The following GLRA3 variants were observed in gnomAD, a reference collection of about 807,000 sequenced individuals.
The protein encoded by GLRA3 is glycine receptor alpha 3.
A neutral mutation model predicts 60.4 loss-of-function variants in GLRA3; 44 were observed. The ratio of observed to expected loss-of-function variants is 0.73; its 90% CI spans 0.57 to 0.94. The LOEUF is 0.94. Ranked by LOEUF, GLRA3 falls within the 40% of genes least tolerant of loss-of-function variation. The probability of loss-of-function intolerance (pLI) is 0.00; values close to 1 mark genes in which losing one functional copy is unlikely to be tolerated. For missense variants in GLRA3, 508 were observed against 564.6 expected, an observed-to-expected ratio of 0.90 and a Z score of 1.02; for synonymous variants, 223 against 192.9, an observed-to-expected ratio of 1.16 and a Z score of -1.29.
chr4:174,818,775 C>T (rs576568470), intron 1 of GLRA3, among the ~76,000 whole-genome samples: 67 of 152,024 alleles, frequency 4.4e-4, no homozygotes, highest in Non-Finnish European at 8.7e-4. Context: ...ACTCAGAGGT[C>T]CATTTATTTG....
At chr4:174,767,755 C>T (rs1332352934) in intron 2 of GLRA3, among the ~76,000 whole-genome samples, 1 of 152,108 alleles carries the variant, frequency 6.6e-6, no homozygotes, top group Non-Finnish European at 1.5e-5. Context: ...TCACTTCCTG[C>T]TTGCACAGAG....
chr4:174,708,194 G>C (rs1022017159), intron 5 of GLRA3, among the ~76,000 whole-genome samples: 1 of 152,106 alleles, frequency 6.6e-6, no homozygotes, highest in Non-Finnish European at 1.5e-5. Context: ...TTGGATAAGA[G>C]TAGAGACTAT....
Position 174,815,769 on chromosome 4 carries a change from A to G in GLRA3, c.71+12972T>C, listed in dbSNP as rs112547013. Among the ~76,000 whole-genome samples the G allele has an allele frequency of 1.5e-4, 23 of 152,258 alleles. No homozygotes were observed. The East Asian group carries it at 2.5e-3, about 17-fold the overall frequency. ...AAAAGGGATCCTGGGCTGAACCACAAAAACATTGTTTCCTCCTAAACCTCC... is the reference window on the plus strand; with the variant it reads ...AAAAGGGATCCTGGGCTGAACCACAGAAACATTGTTTCCTCCTAAACCTCC... On this transcript the variant is annotated intron_variant, in intron 1 of 9. Transcript: ENST00000274093.
At chr4:174,729,299 T>C (rs1736462302) in intron 3 of GLRA3, among the ~76,000 whole-genome samples, 1 of 152,376 alleles carries the variant, frequency 6.6e-6, no homozygotes, top group East Asian at 1.9e-4. Flanking sequence ...ATATATTTAG[T>C]GAACTTTTCT....
chr4:174,731,969 G>A (rs1430524933), intron 3 of GLRA3, among the ~76,000 whole-genome samples: 1 of 152,140 alleles, frequency 6.6e-6, no homozygotes, highest in African/African-American at 2.4e-5. Flanking sequence ...ATATTTACTG[G>A]GCTGTTAAAA....
At chr4:174,754,951 A>C (rs1737633192) in intron 3 of GLRA3, among the ~76,000 whole-genome samples, 1 of 152,134 alleles carries the variant, frequency 6.6e-6, no homozygotes, top group Admixed American at 6.5e-5. Flanking sequence ...TGCTTTTAGA[A>C]GAAAGATTAT....
At chr4:174,703,689 T>C (rs1462023012) in intron 5 of GLRA3, among the ~76,000 whole-genome samples, 1 of 152,224 alleles carries the variant, frequency 6.6e-6, no homozygotes, top group Admixed American at 6.5e-5. Context: ...TTGAGATGAC[T>C]TTTGCTGTCA....
intron 3 of GLRA3, among the ~76,000 whole-genome samples, chr4:174,742,673 A>T (rs1165564890): frequency 6.6e-6 from 1 of 152,196 alleles, no homozygotes; most frequent in Non-Finnish European, 1.5e-5. Flanking sequence ...TTAGAAAATT[A>T]CAAAGCCCTT....
rs1414981033 is a variant in GLRA3 at position 174,639,329 on chromosome 4, G to C, written c.*4457C>G. The stretch of plus-strand genomic sequence containing the variant: ...TTGTCTAGAAAAATTGACTGTCTTT[G>C]TATTTTTAATCTAAAGGAATTCATC... On this transcript the variant is annotated 3_prime_UTR_variant, in exon 10 of 10. Transcript: ENST00000274093. 1.3e-5 allele frequency: 2 copies of C among 150,644 alleles called. No homozygotes were observed. The highest frequency in any genetic ancestry group is 3.9e-4 in the East Asian group (2 of 5,126). 9.3% of individuals were successfully genotyped at this position (150,644 alleles called of 1,614,324 possible).
intron 1 of GLRA3, among the ~76,000 whole-genome samples, chr4:174,790,787 T>G (rs1198909862): frequency 1.5e-5 from 2 of 135,608 alleles, no homozygotes; most frequent in African/African-American, 5.6e-5. Flanking sequence ...GAGACCATTC[T>G]GGCTAACATG....
At chr4:174,657,070 T>C (rs1440373775) in intron 8 of GLRA3, among the ~76,000 whole-genome samples, 2 of 152,180 alleles carry the variant, frequency 1.3e-5, no homozygotes, top group Non-Finnish European at 2.9e-5. Flanking sequence ...TGTTTTTGCA[T>C]TTCTGCATTT....
At chr4:174,651,795 C>A (rs1733028837) in intron 9 of GLRA3, among the ~76,000 whole-genome samples, 1 of 152,088 alleles carries the variant, frequency 6.6e-6, no homozygotes, top group South Asian at 2.1e-4. Context: ...ATTTATGGAA[C>A]CAAAGAGTCT....
chr4:174,799,330 A>T (rs1302155555), intron 1 of GLRA3, among the ~76,000 whole-genome samples: 2 of 152,220 alleles, frequency 1.3e-5, no homozygotes, highest in Non-Finnish European at 2.9e-5. Flanking sequence ...CAACTAGAAA[A>T]GGTTCTTTAA....
intron 5 of GLRA3, among the ~76,000 whole-genome samples, chr4:174,697,622 T>C (rs1364894271): frequency 1.3e-5 from 2 of 152,356 alleles, no homozygotes; most frequent in Non-Finnish European, 1.5e-5. Context: ...CTAAAACTTC[T>C]GGTATAGCTG....
Position 174,767,121 on chromosome 4 carries a change from T to C in GLRA3, c.200-91A>G. On this transcript the variant is annotated intron_variant, in intron 2 of 9. Coordinates refer to ENST00000274093, the MANE Select transcript of GLRA3 (RefSeq NM_006529.4). ...TTGCATTCCATTATTATTATTCCAT[T>C]TTACACACACACACACACACACACA... is the stretch of plus-strand genomic sequence containing the variant. 9.3e-6 allele frequency: 6 copies of C among 641,748 alleles called. No homozygotes were observed. The South Asian group carries it at 1.0e-4, about 11-fold the overall frequency. The allele number at this position is 641,748 out of a possible 1,614,324, so 39.8% of individuals were successfully genotyped here. A position where few individuals can be genotyped will look rare whatever the true frequency, so the allele number is the denominator to read the frequency against.
In GLRA3 at chr4:174,728,654, G is replaced by A. The variant is rs1736419163; in HGVS notation, c.312C>T (p.Pro104=). 6.2e-7 allele frequency: 1 copy of A among 1,610,224 alleles called. No individual in the cohort carries two copies. The highest frequency in any genetic ancestry group is 1.7e-5 in the Admixed American group (1 of 59,958). The stretch of plus-strand genomic sequence containing the variant: ...CAGGATATTCACTGTACGCGAGGCG[G>A]GGATCATTCCATTTCTGACGAAGAA... ...NIFLRQKWND[P]RLAYSEYPDD... Residue 104 remains proline (P), a synonymous_variant, in exon 4 of 10, where the codon CCC becomes CCT. Coordinates refer to ENST00000274093, the MANE Select transcript of GLRA3 (RefSeq NM_006529.4).
chr4:174,680,717 A>G (rs1349593888), intron 6 of GLRA3, among the ~76,000 whole-genome samples: 1 of 152,216 alleles, frequency 6.6e-6, no homozygotes, highest in East Asian at 1.9e-4. Context: ...GCTGTAGCAC[A>G]TAACTAATAA....
At chr4:174,766,509 G>C (rs1423487464) in intron 3 of GLRA3, among the ~76,000 whole-genome samples, 1 of 152,002 alleles carries the variant, frequency 6.6e-6, no homozygotes, top group Non-Finnish European at 1.5e-5. Flanking sequence ...TTCAAATACA[G>C]TTGATAAAAT....
intron 7 of GLRA3, among the ~76,000 whole-genome samples, chr4:174,664,133 C>T (rs541872482): frequency 6.6e-6 from 1 of 152,290 alleles, no homozygotes; most frequent in African/African-American, 2.4e-5. Flanking sequence ...CCACTCCACC[C>T]CATCGGCTTT....
Sources: gnomAD v4.1 joint callset for allele counts (sites outside exome capture counted in the v4.1 genomes callset) on GRCh38, gnomAD v4.1.1 for gene constraint, MANE v1.5 for transcripts, NCBI Gene and HGNC (gene_info 2026-07-23, HGNC 2026-07-21) for gene names.